LRMDA: variants seen among roughly 807,000 people sequenced by gnomAD.
The protein encoded by LRMDA is leucine rich melanocyte differentiation associated.
A neutral mutation model predicts 29.8 loss-of-function variants in LRMDA; 18 were observed. The observed-to-expected ratio is 0.60, with a 90% CI of 0.42 to 0.90. The LOEUF is 0.90. Among genes scored for constraint, LRMDA ranks in the 40% least tolerant of loss-of-function variants. LRMDA has a pLI of 0.00. For synonymous variants in LRMDA, 125 were observed against 109.4 expected, an observed-to-expected ratio of 1.14 and a Z score of -0.89; for missense variants, 273 against 273.9, an observed-to-expected ratio of 1.00 and a Z score of 0.02.
chr10:75,546,623 A>C (rs528910326), intron 2 of LRMDA, among the ~76,000 whole-genome samples: 82 of 152,324 alleles, frequency 5.4e-4, no homozygotes, highest in Non-Finnish European at 1.0e-3. Context: ...GATGTGATTG[A>C]GTATTCATTA....
rs1193218151 is a variant in LRMDA, at chr10:76,041,702, A to G, written c.259-5462A>G. On this transcript the variant is annotated intron_variant, in intron 3 of 6. Coordinates refer to ENST00000611255, the MANE Select transcript of LRMDA (RefSeq NM_001305581.2). ...TCATGCTCCAAACTTTCAAGGCAAGATGCTGCTTTGATCTTGGGCCCTCTG... is the reference window on the plus strand; with the variant it reads ...TCATGCTCCAAACTTTCAAGGCAAGGTGCTGCTTTGATCTTGGGCCCTCTG... 2.6e-5 allele frequency among the ~76,000 whole-genome samples: 4 copies of G among 152,150 alleles called. No individual in the cohort carries two copies. In the East Asian group the frequency reaches 7.7e-4, roughly 29 times the overall value.
At chr10:75,524,103 A>G (rs531966662) in intron 2 of LRMDA, among the ~76,000 whole-genome samples, 18 of 152,334 alleles carry the variant, frequency 1.2e-4, no homozygotes, top group South Asian at 1.0e-3. Flanking sequence ...AAGGGTTAAT[A>G]CAAATGTAAA....
At chr10:75,781,866 T>C (rs151122477) in intron 2 of LRMDA, among the ~76,000 whole-genome samples, 77 of 152,340 alleles carry the variant, frequency 5.1e-4, no homozygotes, top group Admixed American at 4.5e-3. Context: ...CCCCAGCTGA[T>C]GAGTAGTAGA....
chr10:76,093,227 G>T (rs1849259096), intron 5 of LRMDA, among the ~76,000 whole-genome samples: 1 of 151,776 alleles, frequency 6.6e-6, no homozygotes, highest in African/African-American at 2.4e-5. Context: ...TAGTAGAGAC[G>T]GGGTTTCACC....
intron 2 of LRMDA, among the ~76,000 whole-genome samples, chr10:75,913,937 G>A (rs565464845): frequency 6.6e-6 from 1 of 152,314 alleles, no homozygotes; most frequent in African/African-American, 2.4e-5. Context: ...CCGCCGTGGG[G>A]GTAAGTGAAA....
At chr10:76,176,587 A>G (rs1405687148) in intron 5 of LRMDA, among the ~76,000 whole-genome samples, 2 of 152,182 alleles carry the variant, frequency 1.3e-5, no homozygotes, top group African/African-American at 2.4e-5. Context: ...TGAGTTCAGG[A>G]GTTCGAGACC....
At chr10:75,652,089 A>C (rs1362130847) in intron 2 of LRMDA, among the ~76,000 whole-genome samples, 1 of 152,184 alleles carries the variant, frequency 6.6e-6, no homozygotes, top group African/African-American at 2.4e-5. Flanking sequence ...AATAGTTACC[A>C]CCATCTTGTT....
intron 5 of LRMDA, among the ~76,000 whole-genome samples, chr10:76,181,489 T>C (rs1220257449): frequency 1.3e-5 from 2 of 152,126 alleles, no homozygotes; most frequent in East Asian, 1.9e-4. Flanking sequence ...CCGTGGGTGG[T>C]ATTTGTTGGC....
At chr10:75,593,428 C>CT (rs1359935943) in intron 2 of LRMDA, among the ~76,000 whole-genome samples, 1 of 152,178 alleles carries the variant, frequency 6.6e-6, no homozygotes, top group Non-Finnish European at 1.5e-5. Flanking sequence ...TTTGTTATAC[C>CT]TTTGTGGGGC....
intron 2 of LRMDA, among the ~76,000 whole-genome samples, chr10:75,765,474 A>G (rs1843150947): frequency 6.6e-6 from 1 of 152,224 alleles, no homozygotes; most frequent in African/African-American, 2.4e-5. Context: ...CCTGGATTGC[A>G]GCTGGATCAC....
intron 5 of LRMDA, among the ~76,000 whole-genome samples, chr10:76,176,039 G>T (rs747819268): frequency 1.3e-5 from 2 of 152,240 alleles, no homozygotes; most frequent in African/African-American, 4.8e-5. Flanking sequence ...ACGGTGGGCT[G>T]CATGCTACCA....
At chr10:75,830,140 C>T (rs758547383) in intron 2 of LRMDA, among the ~76,000 whole-genome samples, 11 of 152,138 alleles carry the variant, frequency 7.2e-5, no homozygotes, top group Non-Finnish European at 1.2e-4. Context: ...CCACCTTAAA[C>T]GTCCATTTCC....
intron 6 of LRMDA, among the ~76,000 whole-genome samples, chr10:76,543,655 T>G (rs925907922): frequency 5.3e-5 from 8 of 152,082 alleles, no homozygotes; most frequent in African/African-American, 1.9e-4. Context: ...GCAAAGAAGT[T>G]GCCCCTCTGG....
intron 2 of LRMDA, among the ~76,000 whole-genome samples, chr10:75,616,234 T>TAGCAGCAGCAGCAGCAGCAGCAGCAGC (rs1006575002): frequency 1.6e-3 from 235 of 146,764 alleles, no homozygotes; most frequent in African/African-American, 5.5e-3. Context: ...ACAGTAATAG[T>TAGCAGCAGCAGCAGCAGCAGCAGCAGC]AGCAGTAGCA....
intron 5 of LRMDA, among the ~76,000 whole-genome samples, chr10:76,232,652 A>G (rs1371423078): frequency 6.6e-6 from 1 of 152,210 alleles, no homozygotes; most frequent in African/African-American, 2.4e-5. Flanking sequence ...TACCTGCTGT[A>G]GGAGACGGCC....
intron 2 of LRMDA, among the ~76,000 whole-genome samples, chr10:75,670,536 A>G: frequency 6.6e-6 from 1 of 152,188 alleles, no homozygotes; most frequent in East Asian, 1.9e-4. Context: ...ATGCATGTAG[A>G]TGGTGAGGAG....
At chr10:76,408,702 C>T (rs1179381322) in intron 6 of LRMDA, among the ~76,000 whole-genome samples, 11 of 151,962 alleles carry the variant, frequency 7.2e-5, no homozygotes, top group Non-Finnish European at 1.6e-4. Context: ...TTTTGTTTTT[C>T]TGCTGGTTTC....
intron 6 of LRMDA, among the ~76,000 whole-genome samples, chr10:76,462,304 G>T (rs1842521700): frequency 6.6e-6 from 1 of 151,908 alleles, no homozygotes; most frequent in Non-Finnish European, 1.5e-5. Context: ...TAAGACACCT[G>T]ACTTGGTATT....
chr10:75,990,119 A>G (rs1307613086), intron 2 of LRMDA, among the ~76,000 whole-genome samples: 1 of 152,242 alleles, frequency 6.6e-6, no homozygotes, highest in Non-Finnish European at 1.5e-5. Context: ...GGCCTAATTT[A>G]GAAAGGCTCT....
Sources: allele counts gnomAD v4.1 joint callset (sites outside exome capture counted in the v4.1 genomes callset), GRCh38; gene constraint gnomAD v4.1.1; transcripts MANE v1.5; gene names NCBI Gene and HGNC (gene_info 2026-07-23, HGNC 2026-07-21).